Variants in TRIM34 observed in about 807,000 individuals in gnomAD.
TRIM34 encodes E3 ubiquitin-protein ligase TRIM34.
Under a neutral mutation model 38.1 loss-of-function variants are expected in TRIM34, and 41 were observed. The observed-to-expected ratio is 1.08, with a 90% CI of 0.84 to 1.40. The LOEUF (loss-of-function observed/expected upper bound fraction) is 1.40. TRIM34 is among the 40% of genes most tolerant of loss of function. The pLI, the probability that TRIM34 is intolerant of heterozygous loss-of-function variation, is 0.00. For missense variants in TRIM34, 556 were observed against 571.4 expected (o/e 0.97, Z 0.27); for synonymous variants, 200 against 202.5 (o/e 0.99, Z 0.10).
upstream of TRIM34, among the ~76,000 whole-genome samples, chr11:5,623,105 C>CT (rs11301714): frequency 0.096 from 10,231 of 106,816 alleles, 650 homozygotes; most frequent in South Asian, 0.23. Context: ...CTGTCTGGAG[C>CT]TTTTTTTTTT....
At chr11:5,635,339 T>G (rs1405937494) in intron 4 of TRIM34, among the ~76,000 whole-genome samples, 1 of 149,968 alleles carries the variant, frequency 6.7e-6, no homozygotes, top group African/African-American at 2.5e-5. Flanking sequence ...CACTGCAAGC[T>G]CCGCCTCCCA....
intron 1 of TRIM34, among the ~76,000 whole-genome samples, chr11:5,631,651 A>C (rs1032475571): frequency 6.6e-5 from 10 of 152,196 alleles, no homozygotes; most frequent in Non-Finnish European, 1.3e-4. Flanking sequence ...TCTTCACTGG[A>C]AACCACATCT....
At chr11:5,642,384 A>G in intron 5 of TRIM34, 22 bp from the exon 6 acceptor site, 1 of 1,603,434 alleles carries the variant, frequency 6.2e-7, no homozygotes, top group Non-Finnish European at 8.5e-7. Context: ...TGTGGGGGTC[A>G]AAAAATTTTT....
intron 4 of TRIM34, 79 bp downstream of exon 4, chr11:5,634,940 A>C (rs1382155353): frequency 6.7e-7 from 1 of 1,486,152 alleles, no homozygotes; most frequent in Non-Finnish European, 9.0e-7. Context: ...TGGTGGTGAC[A>C]CTAAGGGGTT....
chr11:5,640,409 T>A (rs1246311150), intron 4 of TRIM34, among the ~76,000 whole-genome samples: 1 of 152,180 alleles, frequency 6.6e-6, no homozygotes, highest in East Asian at 1.9e-4. Context: ...TTTTCATCCT[T>A]TATTTTATTA....
rs1329975653 is a variant in TRIM34 at position 5,643,682 on chromosome 11, C to T, written c.1440C>T (p.Pro480=). The change falls in exon 8 of 8, where the codon CCC becomes CCT. Residue 480 remains proline (P), a synonymous_variant. Coordinates refer to ENST00000429814, the MANE Select transcript of TRIM34 (RefSeq NM_021616.6). ...PYFNPWNCPA[P]MTLCPPSS ...TCAATCCTTGGAACTGTCCAGCTCC[C>T]ATGACTCTATGCCCACCAAGCTCTT... is the stretch of plus-strand genomic sequence containing the variant. 6.8e-6 allele frequency: 11 copies of T among 1,608,044 alleles called. No homozygotes were observed. Among genetic ancestry groups the T allele is most frequent in the Non-Finnish European group, 9.3e-6 (11 of 1,177,704 alleles).
chr11:5,637,004 G>A (rs1279656604), intron 4 of TRIM34, among the ~76,000 whole-genome samples: 1 of 151,972 alleles, frequency 6.6e-6, no homozygotes, highest in Non-Finnish European at 1.5e-5. Flanking sequence ...AAATTAGCCG[G>A]GCATTTTATA....
chr11:5,633,146 C>CTTTTT (rs142147714), intron 2 of TRIM34, among the ~76,000 whole-genome samples: 2 of 106,816 alleles, frequency 1.9e-5, no homozygotes, highest in African/African-American at 7.0e-5. Flanking sequence ...CCTTTTCTTT[C>CTTTTT]TTTTTTTTTT....
upstream of TRIM34, chr11:5,620,167 CTTTTTTTTTTTTTT>C (rs60013395): frequency 6.9e-5 from 5 of 72,772 alleles, no homozygotes; most frequent in Admixed American, 2.5e-4. Flanking sequence ...TTTCTTTCTT[CTTTTTTTTTTTTTT>C]TTTTTTTTTT....
At chr11:5,620,010 A>G (rs541060246), upstream of TRIM34, 1 of 150,666 alleles carries the variant, frequency 6.6e-6, no homozygotes, top group Non-Finnish European at 1.5e-5. Context: ...TGACTCATGC[A>G]ACTTCTGCTT....
chr11:5,642,593 G>A, intron 6 of TRIM34, 87 bp downstream of exon 6: 1 of 1,499,608 alleles, frequency 6.7e-7, no homozygotes, highest in East Asian at 2.4e-5. Flanking sequence ...TTAAAATTGA[G>A]GACAGAAGAG....
upstream of TRIM34, among the ~76,000 whole-genome samples, chr11:5,620,470 G>C (rs972520246): frequency 2.0e-5 from 3 of 152,024 alleles, no homozygotes; most frequent in African/African-American, 7.2e-5. Context: ...TATAGTGCTG[G>C]GATTACAGGA....
Position 5,634,758 on chromosome 11 carries a change from T to C in TRIM34, c.647T>C (p.Phe216Ser), listed in dbSNP as rs61758098. Residue 216 changes from phenylalanine (F) to serine (S), a missense_variant, in exon 4 of 8, where the codon TTT (phenylalanine) becomes TCT (serine). Phe to Ser is a radical substitution (Grantham distance 155). Transcript: ENST00000429814. ...EEEEKKTLDK[F>S]AEAEDELVQQ... ...GAAGAAAAGAAGACGCTGGATAAGT[T>C]TGCAGAGGCTGAGGATGAGCTAGTT... is the stretch of plus-strand genomic sequence containing the variant. 0.011 allele frequency: 17,435 copies of C among 1,614,032 alleles called. 155 individuals are homozygous for C. The highest frequency in any genetic ancestry group is 0.033 in the Admixed American group (1,968 of 60,006).
chr11:5,643,087 T>C, intron 7 of TRIM34, 57 bp from the exon 8 acceptor site: 4 of 1,269,344 alleles, frequency 3.2e-6, no homozygotes, highest in South Asian at 2.1e-5. Context: ...TAATCATATA[T>C]ATCACACAGA....
At position 5,643,334 on chromosome 11, in the gene TRIM34, G is replaced by T. The variant is rs779549131; in HGVS notation, c.1092G>T (p.Gly364=). ...DVSKKTAWIL[G]VYCRTYSRHM... Reference sequence around the variant, plus strand: ...CCAAGAAAACTGCCTGGATCCTGGGGGTATACTGTAGAACATATTCCCGCC... The same window carrying T: ...CCAAGAAAACTGCCTGGATCCTGGGTGTATACTGTAGAACATATTCCCGCC... The change falls in exon 8 of 8, where the codon GGG becomes GGT. Residue 364 remains glycine (G), a synonymous_variant. Transcript: ENST00000429814. 1 of 1,613,794 alleles carries T rather than the reference G, an allele frequency of 6.2e-7. No homozygotes were observed. The highest frequency in any genetic ancestry group is 8.5e-7 in the Non-Finnish European group (1 of 1,179,938).
chr11:5,620,519 G>A (rs1292506404), upstream of TRIM34, among the ~76,000 whole-genome samples: 2 of 152,042 alleles, frequency 1.3e-5, no homozygotes, highest in Admixed American at 1.3e-4. Context: ...TTTCTCTTGT[G>A]AGGGTTGCAG....
chr11:5,634,522 C>CATAT (rs1430572698), intron 3 of TRIM34, 109 bp from the exon 4 acceptor site: 2 of 662,668 alleles, frequency 3.0e-6, no homozygotes, highest in African/African-American at 4.3e-5. Context: ...CACACACACA[C>CATAT]ACACACACAT....
chr11:5,634,530 C>CATATATATATATATAT (rs112822638), intron 3 of TRIM34, 101 bp from the exon 4 acceptor site: 4 of 203,884 alleles, frequency 2.0e-5, no homozygotes, highest in African/African-American at 1.4e-4. Flanking sequence ...CACACACACA[C>CATATATATATATATAT]ATATATATAT....
chr11:5,620,998 T>C (rs1316026811), upstream of TRIM34, among the ~76,000 whole-genome samples: 1 of 152,236 alleles, frequency 6.6e-6, no homozygotes, highest in Non-Finnish European at 1.5e-5. Flanking sequence ...TTAGTCCCCA[T>C]ATCTTGGTGA....
Sources: gnomAD v4.1 joint callset for allele counts (sites outside exome capture counted in the v4.1 genomes callset) on GRCh38, gnomAD v4.1.1 for gene constraint, MANE v1.5 for transcripts, NCBI Gene and HGNC (gene_info 2026-07-23, HGNC 2026-07-21) for gene names.